Variants in RBFOX1 observed in about 807,000 individuals in gnomAD.
RBFOX1 encodes the protein RNA binding fox-1 homolog 1, also known as RNA binding protein fox-1 homolog 1.
RBFOX1 carries 8 observed loss-of-function variants against 57.7 expected under a neutral mutation model. That is an observed-to-expected ratio of 0.14 (90% CI 0.08 to 0.25). The LOEUF (loss-of-function observed/expected upper bound fraction) is 0.25. Among genes scored for constraint, RBFOX1 ranks in the 10% least tolerant of loss-of-function variants. The pLI, the probability that RBFOX1 is intolerant of heterozygous loss-of-function variation, is 1.00. For missense variants in RBFOX1, 611 were observed against 548.5 expected, an observed-to-expected ratio of 1.11 and a Z score of -1.14; for synonymous variants, 326 against 222.4, an observed-to-expected ratio of 1.47 and a Z score of -4.15.
intron 12 of RBFOX1, among the ~76,000 whole-genome samples, chr16:7,663,209 G>A (rs2068235249): frequency 6.6e-6 from 1 of 152,282 alleles, no homozygotes; most frequent in Middle Eastern, 3.4e-3. Flanking sequence ...CTCTATGTTG[G>A]AAAAGTTGAA....
chr16:6,542,668 A>G (rs919302570), intron 2 of RBFOX1, among the ~76,000 whole-genome samples: 4 of 150,866 alleles, frequency 2.7e-5, no homozygotes, highest in Admixed American at 6.6e-5. Context: ...AATTTTTTGT[A>G]TTTTTAGTAG....
At chr16:7,514,815 G>C (rs1055011241) in intron 4 of RBFOX1, among the ~76,000 whole-genome samples, 3 of 152,156 alleles carry the variant, frequency 2.0e-5, no homozygotes, top group Non-Finnish European at 4.4e-5. Flanking sequence ...AGGAGCCTTA[G>C]CTCTTTTGCA....
chr16:6,895,845 A>G (rs1294992433), intron 3 of RBFOX1, among the ~76,000 whole-genome samples: 1 of 152,090 alleles, frequency 6.6e-6, no homozygotes, highest in Non-Finnish European at 1.5e-5. Flanking sequence ...GATCAGTGTT[A>G]CCATGTGTAA....
At chr16:5,666,864 G>C (rs1334421098) in intron 3 of RBFOX1, among the ~76,000 whole-genome samples, 1 of 152,198 alleles carries the variant, frequency 6.6e-6, no homozygotes, top group Non-Finnish European at 1.5e-5. Context: ...GATGAGTCTT[G>C]ATTTTACCAC....
Position 6,866,488 on chromosome 16 carries a change from C to T in RBFOX1, c.-15-185569C>T, listed in dbSNP as rs114372727. On this transcript the variant is annotated intron_variant, in intron 3 of 15. Coordinates refer to ENST00000550418, the MANE Select transcript of RBFOX1 (RefSeq NM_018723.4). Reference sequence around the variant, plus strand: ...AATATATAATGCAAAAAGTGTGTTTCACAAAGGACTTTTTTTAAAAAAAAA... The same window carrying T: ...AATATATAATGCAAAAAGTGTGTTTTACAAAGGACTTTTTTTAAAAAAAAA... 5.5e-3 allele frequency among the ~76,000 whole-genome samples: 797 copies of T among 145,508 alleles called. 8 individuals are homozygous for T. Among genetic ancestry groups the T allele is most frequent in the African/African-American group, 0.019 (724 of 39,132 alleles).
chr16:6,246,527 G>T (rs1459184030), intron 1 of RBFOX1, among the ~76,000 whole-genome samples: 2 of 152,302 alleles, frequency 1.3e-5, no homozygotes, highest in Non-Finnish European at 2.9e-5. Flanking sequence ...AGGCTAGGAA[G>T]AAGAGTGTTA....
At chr16:5,332,069 C>T (rs1020245441) in intron 1 of RBFOX1, among the ~76,000 whole-genome samples, 1 of 152,264 alleles carries the variant, frequency 6.6e-6, no homozygotes, top group East Asian at 1.9e-4. Flanking sequence ...GGCTTTGGAA[C>T]AGTGGATCTT....
intron 2 of RBFOX1, among the ~76,000 whole-genome samples, chr16:6,463,935 C>T (rs2094980079): frequency 6.6e-6 from 1 of 151,962 alleles, no homozygotes; most frequent in Non-Finnish European, 1.5e-5. Context: ...AGTTTATCCT[C>T]CCAGAGAGGA....
At chr16:5,959,593 A>G (rs2059710021) in intron 4 of RBFOX1, among the ~76,000 whole-genome samples, 1 of 152,236 alleles carries the variant, frequency 6.6e-6, no homozygotes, top group Non-Finnish European at 1.5e-5. Flanking sequence ...AAAAAAACAC[A>G]TGGTAAGCCC....
At chr16:5,419,492 C>T (rs1347843811) in intron 1 of RBFOX1, among the ~76,000 whole-genome samples, 1 of 152,000 alleles carries the variant, frequency 6.6e-6, no homozygotes, top group Non-Finnish European at 1.5e-5. Context: ...CTGCCTTTCC[C>T]AGTCCACTGG....
rs867425215 is a variant in RBFOX1, at chr16:5,424,993, C to T, written c.220-42223C>T. 5.4e-4 allele frequency among the ~76,000 whole-genome samples: 22 copies of T among 40,612 alleles called. 1 individual carries two copies. Among genetic ancestry groups the T allele is most frequent in the Non-Finnish European group, 9.4e-4 (16 of 16,956 alleles). The allele number at this position is 40,612 out of a possible 152,430, so 26.6% of individuals were successfully genotyped here. A position where few individuals can be genotyped will look rare whatever the true frequency, so the allele number is the denominator to read the frequency against. On this transcript the variant is annotated intron_variant, in intron 1 of 2. Coordinates refer to the RBFOX1 transcript ENST00000585867. Reference sequence around the variant, plus strand: ...TTCTTTCTTTCTTTTCTTTTCTTTTCTTTTCTTTTCTTTTCTTTTCTTTCT... The same window carrying T: ...TTCTTTCTTTCTTTTCTTTTCTTTTTTTTTCTTTTCTTTTCTTTTCTTTCT...
chr16:5,949,999 C>G (rs901803153), intron 4 of RBFOX1, among the ~76,000 whole-genome samples: 1 of 152,222 alleles, frequency 6.6e-6, no homozygotes, highest in Non-Finnish European at 1.5e-5. Flanking sequence ...ATGTGGCCAT[C>G]ATTCAGCACA....
chr16:7,272,678 G>A (rs1197625395), intron 4 of RBFOX1, among the ~76,000 whole-genome samples: 3 of 151,992 alleles, frequency 2.0e-5, no homozygotes, highest in African/African-American at 7.3e-5. Context: ...GGGGAGGGAT[G>A]GAAGGAGGGA....
At chr16:7,018,393 G>T (rs1436335280) in intron 3 of RBFOX1, among the ~76,000 whole-genome samples, 1 of 152,132 alleles carries the variant, frequency 6.6e-6, no homozygotes, top group African/African-American at 2.4e-5. Context: ...GCTTCTTTAT[G>T]CATAATTGTG....
chr16:5,447,738 T>C (rs1221293145), intron 1 of RBFOX1, among the ~76,000 whole-genome samples: 1 of 152,204 alleles, frequency 6.6e-6, no homozygotes, highest in Non-Finnish European at 1.5e-5. Flanking sequence ...CATCAGCTTC[T>C]CTCAGCACGT....
intron 4 of RBFOX1, among the ~76,000 whole-genome samples, chr16:7,497,229 C>T (rs141487076): frequency 1.3e-5 from 2 of 152,284 alleles, no homozygotes; most frequent in East Asian, 1.9e-4. Context: ...TATTTTCTAG[C>T]CCCAGTTCCT....
chr16:6,748,611 A>G (rs753293957), intron 3 of RBFOX1, among the ~76,000 whole-genome samples: 2 of 152,178 alleles, frequency 1.3e-5, no homozygotes, highest in Non-Finnish European at 2.9e-5. Context: ...GTGAGTTATA[A>G]TTACACCACT....
chr16:6,517,909 T>A (rs1197081189), intron 2 of RBFOX1, among the ~76,000 whole-genome samples: 2 of 152,204 alleles, frequency 1.3e-5, no homozygotes, highest in African/African-American at 4.8e-5. Flanking sequence ...GTGGTGATGA[T>A]AATGAGATGT....
chr16:6,489,246 A>T (rs2095574862), intron 2 of RBFOX1, among the ~76,000 whole-genome samples: 1 of 152,160 alleles, frequency 6.6e-6, no homozygotes, highest in African/African-American at 2.4e-5. Context: ...CAACCTTCCC[A>T]TATGGTCCTT....
Sources: gnomAD v4.1 joint callset for allele counts (sites outside exome capture counted in the v4.1 genomes callset) on GRCh38, gnomAD v4.1.1 for gene constraint, MANE v1.5 for transcripts, NCBI Gene and HGNC (gene_info 2026-07-23, HGNC 2026-07-21) for gene names.